The following SHISA9 variants were observed in gnomAD, a reference collection of about 807,000 sequenced individuals.
The protein encoded by SHISA9 is protein shisa-9.
Under a neutral mutation model 38.0 loss-of-function variants are expected in SHISA9, and 13 were observed. The ratio of observed to expected loss-of-function variants is 0.34; its 90% CI spans 0.22 to 0.54. SHISA9 has a LOEUF of 0.54. Among genes scored for constraint, SHISA9 ranks in the 20% least tolerant of loss-of-function variants. The pLI is 0.91. For missense variants in SHISA9, 538 were observed against 575.8 expected, an observed-to-expected ratio of 0.93 and a Z score of 0.67; for synonymous variants, 275 against 242.0, an observed-to-expected ratio of 1.14 and a Z score of -1.27.
intron 1 of SHISA9, chr16:12,909,176 C>A: frequency 1.0e-6 from 1 of 985,834 alleles, no homozygotes; most frequent in Non-Finnish European, 1.2e-6. Context: ...GGTATGTTGA[C>A]TTCTCTTTGG....
the SHISA9 span, among the ~76,000 whole-genome samples, chr16:13,275,954 G>T: frequency 1.3e-5 from 2 of 151,430 alleles, no homozygotes; most frequent in African/African-American, 4.9e-5. Flanking sequence ...AATTTATTGG[G>T]GTACAGGTGG....
At chr16:13,097,117 A>G (rs759136498) in intron 2 of SHISA9, among the ~76,000 whole-genome samples, 2 of 152,166 alleles carry the variant, frequency 1.3e-5, no homozygotes, top group African/African-American at 2.4e-5. Context: ...TGTTTGTTGA[A>G]TGACTGTTGA....
At chr16:13,387,015 A>G in the SHISA9 span, among the ~76,000 whole-genome samples, 1 of 152,228 alleles carries the variant, frequency 6.6e-6, no homozygotes, top group Non-Finnish European at 1.5e-5. Context: ...AGTCAGTGCT[A>G]TCTATAAACG....
At chr16:13,002,051 G>A (rs1207308098) in intron 2 of SHISA9, among the ~76,000 whole-genome samples, 2 of 152,142 alleles carry the variant, frequency 1.3e-5, no homozygotes, top group Non-Finnish European at 2.9e-5. Context: ...TAATTGGCCT[G>A]GAATAGGGCC....
At chr16:13,503,537 G>T in the SHISA9 span, among the ~76,000 whole-genome samples, 1 of 152,102 alleles carries the variant, frequency 6.6e-6, no homozygotes, top group Non-Finnish European at 1.5e-5. Context: ...ATGGCAGCTG[G>T]ATTCTAAGAA....
the SHISA9 span, among the ~76,000 whole-genome samples, chr16:13,438,143 G>T: frequency 6.6e-6 from 1 of 152,174 alleles, no homozygotes; most frequent in Admixed American, 6.5e-5. Flanking sequence ...TGGGATTACA[G>T]ATGTGAGCCA....
At chr16:13,247,804 C>G in the SHISA9 span, among the ~76,000 whole-genome samples, 1 of 152,154 alleles carries the variant, frequency 6.6e-6, no homozygotes, top group South Asian at 2.1e-4. Flanking sequence ...CAGTTAGATT[C>G]ACATCTTATG....
the SHISA9 span, among the ~76,000 whole-genome samples, chr16:13,376,147 A>G: frequency 6.6e-6 from 1 of 152,254 alleles, no homozygotes. Flanking sequence ...AATTCTGCTC[A>G]TAATTGTTCC....
At chr16:13,044,682 T>G (rs755711535) in intron 2 of SHISA9, among the ~76,000 whole-genome samples, 1 of 152,148 alleles carries the variant, frequency 6.6e-6, no homozygotes, top group Non-Finnish European at 1.5e-5. Flanking sequence ...ATAGAATGTA[T>G]GAAGGCTCCG....
chr16:13,003,028 C>A (rs1364396082), intron 2 of SHISA9, among the ~76,000 whole-genome samples: 1 of 152,056 alleles, frequency 6.6e-6, no homozygotes, highest in Non-Finnish European at 1.5e-5. Context: ...TGAGCTGAAA[C>A]CTGAAGGAAT....
the SHISA9 span, among the ~76,000 whole-genome samples, chr16:13,502,769 C>T: frequency 8.6e-5 from 13 of 151,930 alleles, no homozygotes; most frequent in African/African-American, 3.1e-4. Context: ...CCCAGCTACT[C>T]GGGAGGCTGA....
At chr16:13,470,847 C>T in the SHISA9 span, among the ~76,000 whole-genome samples, 1 of 151,656 alleles carries the variant, frequency 6.6e-6, no homozygotes, top group Non-Finnish European at 1.5e-5. Context: ...ATTTCAGGGG[C>T]AAAAAAACAC....
intron 1 of SHISA9, among the ~76,000 whole-genome samples, chr16:12,915,996 TGTGTG>T (rs1480087216): frequency 1.2e-5 from 1 of 80,150 alleles, no homozygotes; most frequent in African/African-American, 3.4e-5. Flanking sequence ...GTTTTTTTTT[TGTGTG>T]TGTGTGTGTG....
the SHISA9 span, among the ~76,000 whole-genome samples, chr16:13,313,805 G>A: frequency 6.4e-4 from 97 of 152,194 alleles, no homozygotes; most frequent in Non-Finnish European, 1.1e-3. Context: ...TGGATGGTGG[G>A]AAACAGGATC....
the SHISA9 span, among the ~76,000 whole-genome samples, chr16:13,271,693 A>G: frequency 6.6e-6 from 1 of 152,158 alleles, no homozygotes; most frequent in South Asian, 2.1e-4. Context: ...AAAGGTAGAA[A>G]CAGAAAGTAG....
the SHISA9 span, among the ~76,000 whole-genome samples, chr16:13,493,572 A>C: frequency 7.9e-5 from 12 of 152,324 alleles, no homozygotes; most frequent in Admixed American, 2.0e-4. Context: ...TATTGACCCA[A>C]TGCCCCAAAT....
intron 2 of SHISA9, among the ~76,000 whole-genome samples, chr16:13,092,148 A>G (rs1230143570): frequency 3.9e-5 from 6 of 152,196 alleles, no homozygotes; most frequent in African/African-American, 1.4e-4. Context: ...AGAACAGCAA[A>G]TATTGCAGAA....
At chr16:13,018,504 C>A (rs1347890136) in intron 2 of SHISA9, among the ~76,000 whole-genome samples, 2 of 152,194 alleles carry the variant, frequency 1.3e-5, no homozygotes, top group Admixed American at 1.3e-4. Context: ...CAAGCTGTAA[C>A]TTTGAGCAAG....
At chr16:12,981,992 C>T (rs1391950093) in intron 2 of SHISA9, among the ~76,000 whole-genome samples, 1 of 152,208 alleles carries the variant, frequency 6.6e-6, no homozygotes, top group Non-Finnish European at 1.5e-5. Flanking sequence ...GTTATTTAAG[C>T]CACCCAGTCT....
Sources: gnomAD v4.1 joint callset for allele counts (sites outside exome capture counted in the v4.1 genomes callset) on GRCh38, gnomAD v4.1.1 for gene constraint, MANE v1.5 for transcripts, NCBI Gene and HGNC (gene_info 2026-07-23, HGNC 2026-07-21) for gene names.